NLGN1: variants seen among roughly 807,000 people sequenced by gnomAD.
The protein encoded by NLGN1 is neuroligin-1.
NLGN1 carries 12 observed loss-of-function variants against 65.5 expected under a neutral mutation model. The ratio of observed to expected loss-of-function variants is 0.18; its 90% CI spans 0.12 to 0.30. The LOEUF is 0.30. NLGN1 is among the 10% of genes least tolerant of loss of function. The pLI is 1.00. For missense variants in NLGN1, 750 were observed against 1,007.1 expected (o/e 0.74, Z 3.46); for synonymous variants, 350 against 359.5 (o/e 0.97, Z 0.30).
At chr3:174,255,948 T>G (rs1249797079) in intron 4 of NLGN1, among the ~76,000 whole-genome samples, 1 of 152,112 alleles carries the variant, frequency 6.6e-6, no homozygotes, top group African/African-American at 2.4e-5. Flanking sequence ...CGTGAGCCAC[T>G]GCTCCTGGCC....
At chr3:174,081,902 A>T (rs191897497) in intron 4 of NLGN1, among the ~76,000 whole-genome samples, 31 of 152,254 alleles carry the variant, frequency 2.0e-4, no homozygotes, top group Admixed American at 3.9e-4. Context: ...TGAGGGAAAC[A>T]CAAACATTCA....
intron 4 of NLGN1, among the ~76,000 whole-genome samples, chr3:173,911,060 A>C (rs1301551933): frequency 6.6e-6 from 1 of 152,186 alleles, no homozygotes; most frequent in Non-Finnish European, 1.5e-5. Flanking sequence ...TAGGTATAAG[A>C]GACTAAATTT....
intron 4 of NLGN1, among the ~76,000 whole-genome samples, chr3:173,928,298 G>A (rs1743392040): frequency 1.3e-5 from 2 of 152,130 alleles, no homozygotes; most frequent in Admixed American, 1.3e-4. Context: ...AGCCTCTTTG[G>A]TAACTTTCCT....
At chr3:174,154,993 T>A (rs796656802) in intron 4 of NLGN1, among the ~76,000 whole-genome samples, 8,350 of 118,758 alleles carry the variant, frequency 0.07, 590 homozygotes, top group East Asian at 0.15. Context: ...TATTATATAT[T>A]ATATATATTT....
intron 4 of NLGN1, among the ~76,000 whole-genome samples, chr3:174,162,339 A>G (rs569177045): frequency 1.3e-5 from 2 of 152,096 alleles, no homozygotes; most frequent in South Asian, 2.1e-4. Context: ...TTTTGTATCA[A>G]TAAAACATCT....
intron 1 of NLGN1, among the ~76,000 whole-genome samples, chr3:173,411,391 G>T (rs1262863529): frequency 6.6e-6 from 1 of 152,178 alleles, no homozygotes; most frequent in Non-Finnish European, 1.5e-5. Context: ...ATTCAGAGGT[G>T]CTGTTCTGGA....
At chr3:174,032,891 G>A (rs951376959) in intron 4 of NLGN1, among the ~76,000 whole-genome samples, 1 of 152,032 alleles carries the variant, frequency 6.6e-6, no homozygotes, top group Non-Finnish European at 1.5e-5. Context: ...CCCAACAGGG[G>A]TCAGAGATTC....
intron 4 of NLGN1, among the ~76,000 whole-genome samples, chr3:173,951,795 A>G (rs920023468): frequency 1.4e-4 from 22 of 152,094 alleles, no homozygotes; most frequent in African/African-American, 5.1e-4. Flanking sequence ...TGTATCCTAT[A>G]TAATACGTCT....
chr3:174,090,991 C>T (rs551799932), intron 4 of NLGN1, among the ~76,000 whole-genome samples: 66 of 152,286 alleles, frequency 4.3e-4, no homozygotes, highest in Admixed American at 1.4e-3. Context: ...AACATTGTGA[C>T]ATTGATGCAT....
intron 3 of NLGN1, among the ~76,000 whole-genome samples, chr3:173,795,024 G>C (rs1713726681): frequency 6.6e-6 from 1 of 151,942 alleles, no homozygotes; most frequent in African/African-American, 2.4e-5. Context: ...CTGTCTGAAG[G>C]AATATATTTT....
At chr3:173,831,415 A>G (rs1722529299) in intron 4 of NLGN1, among the ~76,000 whole-genome samples, 1 of 152,232 alleles carries the variant, frequency 6.6e-6, no homozygotes. Context: ...ACAAGGCATA[A>G]TAAAGTAGAC....
chr3:173,779,021 T>C (rs1578389744), intron 3 of NLGN1, among the ~76,000 whole-genome samples: 1 of 151,672 alleles, frequency 6.6e-6, no homozygotes, highest in East Asian at 1.9e-4. Flanking sequence ...TAATATTTTA[T>C]TCATTAAAAT....
chr3:173,895,084 G>T (rs571970366), intron 4 of NLGN1, among the ~76,000 whole-genome samples: 12 of 152,152 alleles, frequency 7.9e-5, no homozygotes, highest in African/African-American at 1.9e-4. Flanking sequence ...GGGAGGGGGG[G>T]AGTTGTTGAT....
intron 3 of NLGN1, among the ~76,000 whole-genome samples, chr3:173,758,317 GT>G (rs2150193229): frequency 6.6e-6 from 1 of 152,020 alleles, no homozygotes; most frequent in South Asian, 2.1e-4. Flanking sequence ...ATGGTATTTT[GT>G]TATGAGAGCC....
At chr3:174,047,612 C>T (rs1579985420) in intron 4 of NLGN1, among the ~76,000 whole-genome samples, 2 of 152,024 alleles carry the variant, frequency 1.3e-5, no homozygotes, top group East Asian at 3.9e-4. Context: ...TGCACAGATG[C>T]ATATAAGCAG....
chr3:173,513,918 C>T (rs1029070812), intron 2 of NLGN1, among the ~76,000 whole-genome samples: 8 of 152,048 alleles, frequency 5.3e-5, no homozygotes, highest in African/African-American at 1.9e-4. Flanking sequence ...ATCCCAGCTA[C>T]TCGGGAGCCT....
intron 4 of NLGN1, among the ~76,000 whole-genome samples, chr3:174,043,836 G>T (rs1209578815): frequency 6.6e-6 from 1 of 152,318 alleles, no homozygotes; most frequent in East Asian, 1.9e-4. Flanking sequence ...GGGACGCTGT[G>T]TGGAGTCTTT....
At chr3:174,262,724 T>C (rs1392485452) in intron 4 of NLGN1, among the ~76,000 whole-genome samples, 1 of 140,160 alleles carries the variant, frequency 7.1e-6, no homozygotes, top group Non-Finnish European at 1.5e-5. Context: ...TGCCTTCTGC[T>C]AGCTTTTGAA....
chr3:174,279,802 G>A lies in NLGN1; in HGVS notation c.1649+152G>A, dbSNP rs1220260874. The A allele has an allele frequency of 1.8e-6, 1 of 566,778 alleles. No homozygotes were observed. The highest frequency in any genetic ancestry group is 1.9e-5 in the African/African-American group (1 of 51,962). 35.1% of individuals were successfully genotyped at this position (566,778 alleles called of 1,614,324 possible). On this transcript the variant is annotated intron_variant, in intron 6 of 6. Coordinates refer to ENST00000457714, the Ensembl canonical transcript of NLGN1. The surrounding 1 kb of genome is among the most constrained non-coding windows in gnomAD (Gnocchi z 4.7). ...TTCAAAATTAATTCTATATTATGGT[G>A]TTTTTAAAAGTCATTGCTTTATTAT...
Sources: allele counts gnomAD v4.1 joint callset (sites outside exome capture counted in the v4.1 genomes callset), GRCh38; gene constraint gnomAD v4.1.1; non-coding constraint Gnocchi (gnomAD v3.1); transcripts MANE v1.5; gene names NCBI Gene and HGNC (gene_info 2026-07-23, HGNC 2026-07-21).